The following DLGAP2 variants were observed in gnomAD, a reference collection of about 807,000 sequenced individuals.
DLGAP2 encodes the protein DLG associated protein 2.
In DLGAP2, 26 loss-of-function variants were observed where a neutral mutation model predicts 100.3. The observed-to-expected ratio is 0.26, with a 90% CI of 0.19 to 0.36. The LOEUF (loss-of-function observed/expected upper bound fraction) is 0.36. DLGAP2 is among the 10% of genes least tolerant of loss of function. The pLI is 1.00. For missense variants in DLGAP2, 1,858 were observed against 1,453.2 expected, an observed-to-expected ratio of 1.28 and a Z score of -4.53; for synonymous variants, 886 against 630.1, an observed-to-expected ratio of 1.41 and a Z score of -6.08.
At position 1,342,611 on chromosome 8, in the gene DLGAP2, C is replaced by G. The variant is rs527545071; in HGVS notation, c.106+83728C>G. ...CAAGTGCCAAAGGCTGGCTGTGCAC[C>G]GTGCTGGCATTTCAGCAAGTGCGTT... On this transcript the variant is annotated intron_variant, in intron 3 of 14. Coordinates refer to ENST00000637795, the MANE Select transcript of DLGAP2 (RefSeq NM_001346810.2). Among the ~76,000 whole-genome samples the G allele has an allele frequency of 2.6e-5, 4 of 152,302 alleles. No homozygotes were observed. The South Asian group carries it at 8.3e-4, about 32-fold the overall frequency.
chr8:1,430,582 A>G (rs1375700037), intron 3 of DLGAP2, among the ~76,000 whole-genome samples: 2 of 152,230 alleles, frequency 1.3e-5, no homozygotes, highest in East Asian at 1.9e-4. Flanking sequence ...GAGGTTTTGT[A>G]TTTAAAATGA....
At chr8:1,550,551 G>T (rs577878390) in intron 5 of DLGAP2, among the ~76,000 whole-genome samples, 3 of 152,108 alleles carry the variant, frequency 2.0e-5, no homozygotes, top group Admixed American at 6.5e-5. Flanking sequence ...TGCGACATTC[G>T]TGAGTTCACT....
chr8:969,646 C>T (rs911240161), intron 2 of DLGAP2, among the ~76,000 whole-genome samples: 2 of 152,116 alleles, frequency 1.3e-5, no homozygotes, highest in South Asian at 4.1e-4. Context: ...TCTAAAAGTT[C>T]CTTATTTCTC....
intron 3 of DLGAP2, among the ~76,000 whole-genome samples, chr8:1,463,981 G>A (rs1798533674): frequency 6.6e-6 from 1 of 152,230 alleles, no homozygotes; most frequent in Non-Finnish European, 1.5e-5. Flanking sequence ...TAACAACTGA[G>A]GAAGGAGCTG....
intron 3 of DLGAP2, among the ~76,000 whole-genome samples, chr8:1,392,216 G>A (rs1288734140): frequency 6.6e-6 from 1 of 152,156 alleles, no homozygotes; most frequent in Non-Finnish European, 1.5e-5. Flanking sequence ...GATTATGGAC[G>A]GGGCGGCCTT....
chr8:1,676,494 T>A (rs1798813723), intron 10 of DLGAP2, 39 bp from the exon 11 acceptor site: 1 of 1,589,536 alleles, frequency 6.3e-7, no homozygotes, highest in African/African-American at 1.3e-5. Flanking sequence ...CCAGGCCCCA[T>A]GTTTCAGTTC....
At chr8:899,249 G>A (rs1165525434) in intron 1 of DLGAP2, among the ~76,000 whole-genome samples, 3 of 152,240 alleles carry the variant, frequency 2.0e-5, no homozygotes, top group Non-Finnish European at 4.4e-5. Flanking sequence ...CTGTGGTTTT[G>A]CCTGAACACG....
chr8:1,116,327 G>T (rs913621341), intron 2 of DLGAP2, among the ~76,000 whole-genome samples: 1 of 152,222 alleles, frequency 6.6e-6, no homozygotes, highest in Admixed American at 6.5e-5. Flanking sequence ...GCCACAGCCT[G>T]GACGAAGAGT....
At chr8:1,359,979 G>A (rs1413692987) in intron 3 of DLGAP2, among the ~76,000 whole-genome samples, 1 of 152,224 alleles carries the variant, frequency 6.6e-6, no homozygotes, top group African/African-American at 2.4e-5. Flanking sequence ...GGTCCTGCCA[G>A]CACACCTCAG....
At chr8:1,513,336 C>T (rs532809615) in intron 4 of DLGAP2, among the ~76,000 whole-genome samples, 1 of 151,726 alleles carries the variant, frequency 6.6e-6, no homozygotes, top group African/African-American at 2.4e-5. Context: ...AGGCCACAGG[C>T]CAGCTCCAGG....
chr8:1,600,206 C>A (rs973183164), intron 6 of DLGAP2, among the ~76,000 whole-genome samples: 1 of 152,164 alleles, frequency 6.6e-6, no homozygotes, highest in Non-Finnish European at 1.5e-5. Flanking sequence ...GGCACCCACC[C>A]TCTTCTAGCT....
intron 2 of DLGAP2, among the ~76,000 whole-genome samples, chr8:999,721 C>T (rs866623236): frequency 1.8e-4 from 27 of 152,180 alleles, no homozygotes; most frequent in Admixed American, 5.9e-4. Flanking sequence ...CCTCGTGATC[C>T]ACCTGCCTGG....
chr8:890,094 A>T (rs77263188), intron 1 of DLGAP2, among the ~76,000 whole-genome samples: 1 of 152,012 alleles, frequency 6.6e-6, no homozygotes, highest in Non-Finnish European at 1.5e-5. Flanking sequence ...GTGAAGTTTG[A>T]TGAGAGAACC....
At chr8:1,114,847 C>A (rs1466709979) in intron 2 of DLGAP2, among the ~76,000 whole-genome samples, 1 of 152,164 alleles carries the variant, frequency 6.6e-6, no homozygotes. Context: ...ACGAATTTTC[C>A]TGTTAACACT....
In DLGAP2 at chr8:1,111,922, G is replaced by A. The variant is rs143765526; in HGVS notation, c.74-146929G>A. Among the ~76,000 whole-genome samples the A allele has an allele frequency of 5.9e-3, 894 of 152,128 alleles. 9 individuals are homozygous for A. The highest frequency in any genetic ancestry group is 0.02 in the African/African-American group (843 of 41,508). The stretch of plus-strand genomic sequence containing the variant: ...TTTATATTCCTCTGGATATATACCC[G>A]CTAATAGAATTGCTGGGTTGAATGG... On this transcript the variant is annotated intron_variant, in intron 2 of 14. Coordinates refer to ENST00000637795, the MANE Select transcript of DLGAP2 (RefSeq NM_001346810.2).
chr8:946,609 T>C (rs1799333505), intron 2 of DLGAP2, among the ~76,000 whole-genome samples: 1 of 152,182 alleles, frequency 6.6e-6, no homozygotes, highest in African/African-American at 2.4e-5. Context: ...ACAGAGTGAC[T>C]AGATAGGGGT....
intron 3 of DLGAP2, among the ~76,000 whole-genome samples, chr8:1,467,046 G>A (rs919486903): frequency 6.9e-6 from 1 of 144,120 alleles, no homozygotes; most frequent in South Asian, 2.1e-4. Context: ...GATTTTGCCG[G>A]GTGATAAAGA....
rs183188480 is a variant in DLGAP2 at position 1,571,169 on chromosome 8, G to A, written c.1442+5275G>A. Among the ~76,000 whole-genome samples the A allele has an allele frequency of 1.6e-3, 188 of 116,028 alleles. 6 individuals are homozygous for A. Among genetic ancestry groups the A allele is most frequent in the African/African-American group, 7.1e-3 (173 of 24,196 alleles). 76.1% of individuals were successfully genotyped at this position (116,028 alleles called of 152,430 possible). On this transcript the variant is annotated intron_variant, in intron 6 of 14. Transcript: ENST00000637795. ...GGCATCTTCTGGGATGGAGAGGAGAGAGGGTGAACTGTGGGGGCATCTGAT... is the reference window on the plus strand; with the variant it reads ...GGCATCTTCTGGGATGGAGAGGAGAAAGGGTGAACTGTGGGGGCATCTGAT...
intron 2 of DLGAP2, among the ~76,000 whole-genome samples, chr8:968,538 T>G (rs1453506909): frequency 6.6e-6 from 1 of 152,200 alleles, no homozygotes; most frequent in Admixed American, 6.5e-5. Context: ...GGGATCCCTG[T>G]GGGGCTCCTG....
Sources: allele counts gnomAD v4.1 joint callset (sites outside exome capture counted in the v4.1 genomes callset), GRCh38; gene constraint gnomAD v4.1.1; transcripts MANE v1.5; gene names NCBI Gene and HGNC (gene_info 2026-07-23, HGNC 2026-07-21).